PRKCA: variants seen among roughly 807,000 people sequenced by gnomAD.
The protein encoded by PRKCA is protein kinase C alpha type.
Under a neutral mutation model 87.0 loss-of-function variants are expected in PRKCA, and 27 were observed. That is an observed-to-expected ratio of 0.31 (90% confidence interval 0.23 to 0.43). PRKCA has a LOEUF of 0.43. PRKCA is among the 20% of genes least tolerant of loss of function. PRKCA has a pLI of 1.00. For synonymous variants in PRKCA, 329 were observed against 311.1 expected (o/e 1.06, Z -0.61); for missense variants, 518 against 852.3 (o/e 0.61, Z 4.88).
intron 16 of PRKCA, among the ~76,000 whole-genome samples, chr17:66,801,052 C>T (rs117895597): frequency 2.3e-3 from 343 of 152,238 alleles, no homozygotes; most frequent in Non-Finnish European, 3.5e-3. Context: ...TTCCCAATGC[C>T]GACTCTACTG....
intron 8 of PRKCA, among the ~76,000 whole-genome samples, chr17:66,723,903 G>A (rs1221416591): frequency 6.6e-6 from 1 of 152,126 alleles, no homozygotes; most frequent in East Asian, 1.9e-4. Context: ...CAAGTTCAGG[G>A]CTCTTTCCAG....
Position 66,803,839 on chromosome 17 carries a change from C to T in PRKCA, c.1855-34C>T, listed in dbSNP as rs1486928559. 6.2e-7 allele frequency: 1 copy of T among 1,608,030 alleles called. No individual in the cohort carries two copies. The highest frequency in any genetic ancestry group is 8.5e-7 in the Non-Finnish European group (1 of 1,175,946). On this transcript the variant is annotated intron_variant, in intron 16 of 16. Coordinates refer to ENST00000413366, the MANE Select transcript of PRKCA (RefSeq NM_002737.3). The surrounding 1 kb of genome is among the most constrained non-coding windows in gnomAD (Gnocchi z 4.4). ...AGCTGCTCCCGCATTGTCATGTTGA[C>T]TGACCTTTCCTTCTTTTTGTCTTTT...
chr17:66,510,503 T>C (rs1165042495), intron 3 of PRKCA, among the ~76,000 whole-genome samples: 2 of 152,198 alleles, frequency 1.3e-5, no homozygotes, highest in African/African-American at 2.4e-5. Context: ...TGATGGCTTA[T>C]CATGTAGAGA....
chr17:66,322,350 C>T (rs1389528720), intron 2 of PRKCA, among the ~76,000 whole-genome samples: 1 of 152,114 alleles, frequency 6.6e-6, no homozygotes, highest in African/African-American at 2.4e-5. Flanking sequence ...CTATTAAGCA[C>T]TTAAAATGTA....
At chr17:66,457,321 G>T (rs948269146) in intron 2 of PRKCA, among the ~76,000 whole-genome samples, 6 of 152,016 alleles carry the variant, frequency 3.9e-5, no homozygotes, top group South Asian at 2.1e-4. Context: ...AGATGTGTGG[G>T]GTTTCTTAGT....
chr17:66,343,582 A>C (rs1467661648), intron 2 of PRKCA, among the ~76,000 whole-genome samples: 1 of 152,162 alleles, frequency 6.6e-6, no homozygotes, highest in East Asian at 1.9e-4. Context: ...GAGTGAGACT[A>C]TACCAGTTGG....
At chr17:66,335,555 C>A (rs1906609426) in intron 2 of PRKCA, among the ~76,000 whole-genome samples, 1 of 150,796 alleles carries the variant, frequency 6.6e-6, no homozygotes, top group East Asian at 1.9e-4. Flanking sequence ...ACACTCCAGC[C>A]TGGGCAACAA....
At chr17:66,788,327 C>A (rs9896575) in intron 15 of PRKCA, among the ~76,000 whole-genome samples, 1 of 152,074 alleles carries the variant, frequency 6.6e-6, no homozygotes, top group South Asian at 2.1e-4. Context: ...GTGGGCAAGT[C>A]GGAATTAACT....
intron 5 of PRKCA, chr17:66,676,871 A>C (rs1049728493): frequency 6.6e-6 from 1 of 152,206 alleles, no homozygotes; most frequent in East Asian, 1.9e-4. Flanking sequence ...CCCGACCCCC[A>C]GCCCAGAACC....
chr17:66,330,961 C>T (rs1906288769), intron 2 of PRKCA, among the ~76,000 whole-genome samples: 1 of 152,172 alleles, frequency 6.6e-6, no homozygotes, highest in Non-Finnish European at 1.5e-5. Context: ...AGACTTTCAT[C>T]TGTATTAGTA....
At chr17:66,444,172 C>T (rs1406167227) in intron 2 of PRKCA, among the ~76,000 whole-genome samples, 1 of 152,128 alleles carries the variant, frequency 6.6e-6, no homozygotes, top group Non-Finnish European at 1.5e-5. Flanking sequence ...TCATACCATC[C>T]AAGTTATCAG....
chr17:66,535,380 A>T (rs8066289), intron 3 of PRKCA, among the ~76,000 whole-genome samples: 1 of 152,134 alleles, frequency 6.6e-6, no homozygotes, highest in Non-Finnish European at 1.5e-5. Context: ...CCTCAAGCCA[A>T]CATATGGCAG....
intron 8 of PRKCA, among the ~76,000 whole-genome samples, chr17:66,693,345 C>T (rs1425943759): frequency 6.6e-6 from 1 of 152,202 alleles, no homozygotes; most frequent in African/African-American, 2.4e-5. Context: ...AAGTAAAGTA[C>T]ACGTGGTCCC....
chr17:66,536,199 T>C (rs147106917), intron 3 of PRKCA, among the ~76,000 whole-genome samples: 30 of 152,350 alleles, frequency 2.0e-4, no homozygotes, highest in African/African-American at 6.7e-4. Flanking sequence ...GAAGCCCTGA[T>C]AGGAAAATGC....
At chr17:66,586,532 C>T (rs1056134934) in intron 3 of PRKCA, among the ~76,000 whole-genome samples, 3 of 152,166 alleles carry the variant, frequency 2.0e-5, no homozygotes, top group Admixed American at 2.0e-4. Flanking sequence ...TCCTTTCAAC[C>T]TTGGACCAGT....
rs35472661 is a variant in PRKCA, at chr17:66,509,178, A to ATGTGTGTG, written c.288+12919_288+12926dup. ...AGAAAAGGAACGTGTGTGTGTGTGT[A>ATGTGTGTG]TGTGTGTGTGTGTGTGTGTGTGTGT... On this transcript the variant is annotated intron_variant, in intron 3 of 16. Transcript: ENST00000413366. Among the ~76,000 whole-genome samples the ATGTGTGTG allele has an allele frequency of 3.8e-3, 559 of 147,174 alleles. 3 individuals carry two copies. Among genetic ancestry groups the ATGTGTGTG allele is most frequent in the African/African-American group, 0.01 (400 of 39,562 alleles).
At chr17:66,704,129 CT>C (rs1407704356) in intron 8 of PRKCA, among the ~76,000 whole-genome samples, 3 of 150,664 alleles carry the variant, frequency 2.0e-5, no homozygotes, top group Non-Finnish European at 4.4e-5. Context: ...ACTATAAAAC[CT>C]TTTTCTACAT....
At chr17:66,679,146 T>G (rs550158188) in intron 5 of PRKCA, among the ~76,000 whole-genome samples, 77 of 150,880 alleles carry the variant, frequency 5.1e-4, no homozygotes, top group African/African-American at 1.8e-3. Flanking sequence ...GTTTTAGAAT[T>G]GCATCCCTGA....
At chr17:66,681,501 A>T (rs1972492008) in intron 5 of PRKCA, among the ~76,000 whole-genome samples, 1 of 152,164 alleles carries the variant, frequency 6.6e-6, no homozygotes, top group Non-Finnish European at 1.5e-5. Flanking sequence ...TGCTTCTTTA[A>T]CACTACCATT....
Sources: gnomAD v4.1 joint callset for allele counts (sites outside exome capture counted in the v4.1 genomes callset) on GRCh38, gnomAD v4.1.1 for gene constraint, Gnocchi (gnomAD v3.1) non-coding constraint, MANE v1.5 for transcripts, NCBI Gene and HGNC (gene_info 2026-07-23, HGNC 2026-07-21) for gene names.